PRKN: variants seen among roughly 807,000 people sequenced by gnomAD.
The protein encoded by PRKN is E3 ubiquitin-protein ligase parkin.
PRKN carries 56 observed loss-of-function variants against 59.5 expected under a neutral mutation model. The ratio of observed to expected loss-of-function variants is 0.94; its 90% CI spans 0.76 to 1.18. The LOEUF is 1.18. PRKN is among the 50% of genes most tolerant of loss of function. The pLI is 0.00. For missense variants in PRKN, 657 were observed against 596.4 expected (o/e 1.10, Z -1.06); for synonymous variants, 250 against 222.1 (o/e 1.13, Z -1.12).
chr6:162,314,739 A>C (rs1049135490), intron 2 of PRKN, among the ~76,000 whole-genome samples: 1 of 152,148 alleles, frequency 6.6e-6, no homozygotes, highest in South Asian at 2.1e-4. Flanking sequence ...CATTCAACAA[A>C]TATTTCTTTA....
At chr6:162,696,687 G>C (rs1472258990) in intron 1 of PRKN, among the ~76,000 whole-genome samples, 1 of 150,962 alleles carries the variant, frequency 6.6e-6, no homozygotes, top group Non-Finnish European at 1.5e-5. Flanking sequence ...GGGACTACAG[G>C]TGTGTGCCAC....
chr6:162,325,842 GA>G (rs1262321205), intron 2 of PRKN, among the ~76,000 whole-genome samples: 1 of 152,090 alleles, frequency 6.6e-6, no homozygotes, highest in Non-Finnish European at 1.5e-5. Context: ...AGTCATATTT[GA>G]AAAAGAGTAA....
At chr6:162,480,579 C>T (rs113921418) in intron 1 of PRKN, among the ~76,000 whole-genome samples, 40 of 152,178 alleles carry the variant, frequency 2.6e-4, no homozygotes, top group African/African-American at 9.4e-4. Flanking sequence ...GGACCGAGTG[C>T]TGCTGGTGAA....
At chr6:162,009,340 G>T (rs184140164) in intron 5 of PRKN, among the ~76,000 whole-genome samples, 3 of 149,736 alleles carry the variant, frequency 2.0e-5, no homozygotes, top group South Asian at 2.1e-4. Flanking sequence ...TAAAAATTGG[G>T]AAAAATGGAA....
At chr6:162,187,328 T>A (rs1784071767) in intron 4 of PRKN, among the ~76,000 whole-genome samples, 1 of 152,116 alleles carries the variant, frequency 6.6e-6, no homozygotes, top group African/African-American at 2.4e-5. Flanking sequence ...TGAGATAAAG[T>A]TTGCTTTTCA....
At chr6:162,028,853 G>A (rs891120458) in intron 5 of PRKN, among the ~76,000 whole-genome samples, 4 of 152,214 alleles carry the variant, frequency 2.6e-5, no homozygotes, top group Non-Finnish European at 4.4e-5. Flanking sequence ...CGCCCAGGAG[G>A]AGAGCTCAGG....
At chr6:162,416,204 T>A (rs965032970) in intron 2 of PRKN, among the ~76,000 whole-genome samples, 1 of 152,184 alleles carries the variant, frequency 6.6e-6, no homozygotes, top group Non-Finnish European at 1.5e-5. Context: ...TGTTTGCACA[T>A]TCTGTCCTAT....
At chr6:162,185,169 T>G (rs1186249269) in intron 4 of PRKN, among the ~76,000 whole-genome samples, 2 of 152,198 alleles carry the variant, frequency 1.3e-5, no homozygotes, top group East Asian at 1.9e-4. Context: ...CAGCACATTT[T>G]CCAATGTTAT....
At chr6:162,300,422 T>A (rs1288450071) in intron 2 of PRKN, among the ~76,000 whole-genome samples, 1 of 152,166 alleles carries the variant, frequency 6.6e-6, no homozygotes, top group Non-Finnish European at 1.5e-5. Flanking sequence ...TTTAGGTTTC[T>A]AAAAGAGAAG....
intron 6 of PRKN, among the ~76,000 whole-genome samples, chr6:161,852,378 A>G (rs973008512): frequency 2.0e-5 from 3 of 151,896 alleles, no homozygotes; most frequent in Non-Finnish European, 4.4e-5. Flanking sequence ...ACTTGAACCC[A>G]AGAGTTTGAG....
At chr6:162,554,636 G>T (rs77550103) in intron 1 of PRKN, among the ~76,000 whole-genome samples, 32 of 152,190 alleles carry the variant, frequency 2.1e-4, no homozygotes, top group African/African-American at 6.0e-4. Flanking sequence ...AACACGGGGT[G>T]GGGGGAGCAC....
chr6:161,434,132 A>ATTTC (rs1788775827), intron 9 of PRKN, among the ~76,000 whole-genome samples: 1 of 152,092 alleles, frequency 6.6e-6, no homozygotes, highest in African/African-American at 2.4e-5. Flanking sequence ...ATTGTTTTCA[A>ATTTC]AATTTTGTAT....
intron 1 of PRKN, among the ~76,000 whole-genome samples, chr6:162,683,075 T>C (rs1200242776): frequency 6.6e-6 from 1 of 152,164 alleles, no homozygotes; most frequent in Non-Finnish European, 1.5e-5. Context: ...AAATGTTATT[T>C]AATGAACACG....
At chr6:161,679,740 G>GTTTTT (rs1785238904) in intron 7 of PRKN, among the ~76,000 whole-genome samples, 1 of 51,198 alleles carries the variant, frequency 2.0e-5, no homozygotes, top group Non-Finnish European at 3.5e-5. Flanking sequence ...TTCAGAGCCA[G>GTTTTT]CTTTTTTTTT....
At chr6:162,541,233 A>C (rs774770982) in intron 1 of PRKN, among the ~76,000 whole-genome samples, 1 of 152,186 alleles carries the variant, frequency 6.6e-6, no homozygotes, top group African/African-American at 2.4e-5. Context: ...AAGCCACACA[A>C]TCTGTTAGGA....
chr6:162,109,304 G>C (rs1780323411), intron 4 of PRKN, among the ~76,000 whole-genome samples: 2 of 152,172 alleles, frequency 1.3e-5, no homozygotes, highest in Admixed American at 1.3e-4. Context: ...CGCAAAGTTG[G>C]AAGAATATAC....
intron 5 of PRKN, among the ~76,000 whole-genome samples, chr6:161,990,248 C>T (rs968582915): frequency 1.4e-4 from 21 of 152,150 alleles, no homozygotes; most frequent in Admixed American, 8.5e-4. Flanking sequence ...AAGTGCTGCC[C>T]GAGCCACTGA....
At chr6:162,373,956 A>G (rs1785903484) in intron 2 of PRKN, among the ~76,000 whole-genome samples, 1 of 152,296 alleles carries the variant, frequency 6.6e-6, no homozygotes, top group East Asian at 1.9e-4. Flanking sequence ...TGTATTGGTT[A>G]CACCTTGGTG....
chr6:162,563,891 A>G (rs1465975721), intron 1 of PRKN, among the ~76,000 whole-genome samples: 1 of 152,164 alleles, frequency 6.6e-6, no homozygotes, highest in African/African-American at 2.4e-5. Flanking sequence ...TGAAGAATGT[A>G]TCAGAGTCTT....
Sources: gnomAD v4.1 joint callset for allele counts (sites outside exome capture counted in the v4.1 genomes callset) on GRCh38, gnomAD v4.1.1 for gene constraint, MANE v1.5 for transcripts, NCBI Gene and HGNC (gene_info 2026-07-23, HGNC 2026-07-21) for gene names.